The following RPS6KC1 variants were observed in gnomAD, a reference collection of about 807,000 sequenced individuals.
The protein encoded by RPS6KC1 is ribosomal protein S6 kinase C1.
RPS6KC1 carries 54 observed loss-of-function variants against 103.8 expected under a neutral mutation model. The ratio of observed to expected loss-of-function variants is 0.52; its 90% CI spans 0.42 to 0.65. RPS6KC1 has a LOEUF of 0.65. Among genes scored for constraint, RPS6KC1 ranks in the 30% least tolerant of loss-of-function variants. The probability of loss-of-function intolerance (pLI) is 0.00; values close to 1 mark genes in which losing one functional copy is unlikely to be tolerated. For synonymous variants in RPS6KC1, 439 were observed against 438.7 expected (o/e 1.00, Z -0.01); for missense variants, 1,151 against 1,253.8 (o/e 0.92, Z 1.24).
chr1:213,097,715 C>T (rs530162713), intron 3 of RPS6KC1, among the ~76,000 whole-genome samples: 1 of 152,284 alleles, frequency 6.6e-6, no homozygotes, highest in African/African-American at 2.4e-5. Context: ...TTTAGTGTAG[C>T]CATCTTTATC....
At chr1:213,627,648 G>C in the RPS6KC1 span, among the ~76,000 whole-genome samples, 5 of 152,120 alleles carry the variant, frequency 3.3e-5, no homozygotes, top group African/African-American at 1.2e-4. Context: ...GTTGAATTTT[G>C]ACAAAGGCCT....
intron 9 of RPS6KC1, 25 bp downstream of exon 9, chr1:213,230,569 C>A: frequency 3.8e-6 from 6 of 1,585,746 alleles, no homozygotes; most frequent in Non-Finnish European, 5.2e-6. Context: ...TAGCCAGGCG[C>A]GGTGCCTATA....
At chr1:213,594,675 T>G in the RPS6KC1 span, among the ~76,000 whole-genome samples, 1 of 152,238 alleles carries the variant, frequency 6.6e-6, no homozygotes, top group Non-Finnish European at 1.5e-5. Flanking sequence ...ACTTACCATA[T>G]GCTGAATGCT....
chr1:213,814,527 A>T, the RPS6KC1 span, among the ~76,000 whole-genome samples: 1 of 152,184 alleles, frequency 6.6e-6, no homozygotes, highest in African/African-American at 2.4e-5. Flanking sequence ...AATGGTTTAC[A>T]TTGTGGATCC....
At chr1:213,495,541 C>A in the RPS6KC1 span, among the ~76,000 whole-genome samples, 1 of 152,090 alleles carries the variant, frequency 6.6e-6, no homozygotes, top group African/African-American at 2.4e-5. Context: ...AGGCTGGTCT[C>A]GAACTCCTGA....
rs532673483 is a variant in RPS6KC1 at position 213,229,545 on chromosome 1, G to A, written c.1045-952G>A. 1.7e-4 allele frequency among the ~76,000 whole-genome samples: 26 copies of A among 152,172 alleles called. No homozygotes were observed. The East Asian group carries it at 4.1e-3, about 24-fold the overall frequency. On this transcript the variant is annotated intron_variant, in intron 8 of 14. Coordinates refer to ENST00000366960, the MANE Select transcript of RPS6KC1 (RefSeq NM_012424.6). ...TGTAACAGAGACTGCATAGGCCTGC[G>A]GAGCCTAAAATATTTACAGTCTGGC...
At chr1:213,754,027 C>T in the RPS6KC1 span, among the ~76,000 whole-genome samples, 7 of 152,108 alleles carry the variant, frequency 4.6e-5, no homozygotes, top group African/African-American at 1.7e-4. Flanking sequence ...AGTCTGGTCT[C>T]TGGGAGCTTT....
chr1:213,373,675 A>AT, the RPS6KC1 span, among the ~76,000 whole-genome samples: 1 of 152,250 alleles, frequency 6.6e-6, no homozygotes, highest in African/African-American at 2.4e-5. Context: ...ATCCATACAG[A>AT]ATATCCTATT....
chr1:213,113,798 A>G (rs1486112048), intron 4 of RPS6KC1, among the ~76,000 whole-genome samples: 3 of 152,048 alleles, frequency 2.0e-5, no homozygotes, highest in East Asian at 1.9e-4. Flanking sequence ...TTTTCCCAGC[A>G]CCATTTATTA....
chr1:213,327,621 G>C, the RPS6KC1 span, among the ~76,000 whole-genome samples: 1 of 152,160 alleles, frequency 6.6e-6, no homozygotes, highest in African/African-American at 2.4e-5. Context: ...GTGTTTTGGG[G>C]ATGGGGTTGG....
the RPS6KC1 span, among the ~76,000 whole-genome samples, chr1:213,667,991 A>G: frequency 1.3e-5 from 2 of 152,320 alleles, no homozygotes; most frequent in South Asian, 4.2e-4. Flanking sequence ...TGCTATTTCT[A>G]CTACATCTGC....
the RPS6KC1 span, among the ~76,000 whole-genome samples, chr1:213,622,026 G>T: frequency 6.6e-6 from 1 of 152,030 alleles, no homozygotes; most frequent in Admixed American, 6.6e-5. Context: ...TTGTTACTTG[G>T]AGTTCCCCAA....
chr1:213,422,669 G>A, the RPS6KC1 span, among the ~76,000 whole-genome samples: 1 of 152,214 alleles, frequency 6.6e-6, no homozygotes, highest in Non-Finnish European at 1.5e-5. Flanking sequence ...CAATGAAGAG[G>A]AACTAGGCGA....
the RPS6KC1 span, among the ~76,000 whole-genome samples, chr1:213,793,793 T>C: frequency 6.6e-6 from 1 of 152,184 alleles, no homozygotes; most frequent in Admixed American, 6.5e-5. Flanking sequence ...GTAGGACTAA[T>C]GTGGATCTGA....
chr1:213,272,504 C>T lies in RPS6KC1; in HGVS notation c.3091-20C>T, dbSNP rs1427240509. The T allele has an allele frequency of 3.1e-6, 5 of 1,592,298 alleles. No homozygotes were observed. The South Asian group carries it at 5.5e-5, about 18-fold the overall frequency. On this transcript the variant is annotated intron_variant, in intron 14 of 14. Coordinates refer to ENST00000366960, the MANE Select transcript of RPS6KC1 (RefSeq NM_012424.6). Reference sequence around the variant, plus strand: ...TTGCCAGTTGGATTCCTGTTACTCACTAAGTCCGTCTTTTTTTAGCTCTTG... The same window carrying T: ...TTGCCAGTTGGATTCCTGTTACTCATTAAGTCCGTCTTTTTTTAGCTCTTG...
chr1:213,444,075 C>A, the RPS6KC1 span, among the ~76,000 whole-genome samples: 1 of 152,150 alleles, frequency 6.6e-6, no homozygotes, highest in Non-Finnish European at 1.5e-5. Context: ...GAGGGAGAAT[C>A]TTTTCATGCC....
At chr1:213,830,348 A>G in the RPS6KC1 span, among the ~76,000 whole-genome samples, 1 of 152,184 alleles carries the variant, frequency 6.6e-6, no homozygotes, top group East Asian at 1.9e-4. Flanking sequence ...TCCTTTTGAG[A>G]ATACCCTACC....
the RPS6KC1 span, among the ~76,000 whole-genome samples, chr1:213,657,529 AAAAGAAACC>A: frequency 6.6e-6 from 1 of 152,206 alleles, no homozygotes; most frequent in African/African-American, 2.4e-5. Context: ...TGCATTTCCT[AAAAGAAACC>A]AAAGAAACTA....
chr1:213,101,414 GA>G (rs1439829547), intron 3 of RPS6KC1, among the ~76,000 whole-genome samples: 5 of 151,924 alleles, frequency 3.3e-5, no homozygotes, highest in African/African-American at 9.7e-5. Flanking sequence ...GCACTACTCT[GA>G]AAAAAAGTCT....
Sources: allele counts gnomAD v4.1 joint callset (sites outside exome capture counted in the v4.1 genomes callset), GRCh38; gene constraint gnomAD v4.1.1; transcripts MANE v1.5; gene names NCBI Gene and HGNC (gene_info 2026-07-23, HGNC 2026-07-21).